The following RIN2 variants were observed in gnomAD, a reference collection of about 807,000 sequenced individuals.
RIN2 encodes the protein Ras and Rab interactor 2.
RIN2 carries 36 observed loss-of-function variants against 78.0 expected under a neutral mutation model. That is an observed-to-expected ratio of 0.46 (90% CI 0.35 to 0.61). The LOEUF is 0.61. Among genes scored for constraint, RIN2 ranks in the 20% least tolerant of loss-of-function variants. The pLI is 0.00. For missense variants in RIN2, 1,087 were observed against 1,159.7 expected (o/e 0.94, Z 0.91); for synonymous variants, 466 against 466.8 (o/e 1.00, Z 0.02).
intron 9 of RIN2, among the ~76,000 whole-genome samples, chr20:19,981,521 T>C (rs2042453852): frequency 6.6e-6 from 1 of 152,236 alleles, no homozygotes; most frequent in Non-Finnish European, 1.5e-5. Flanking sequence ...TTATTTGGAA[T>C]TCTTCCATAA....
At chr20:19,837,890 A>G (rs2036469308) in intron 2 of RIN2, among the ~76,000 whole-genome samples, 1 of 151,904 alleles carries the variant, frequency 6.6e-6, no homozygotes, top group Admixed American at 6.6e-5. Flanking sequence ...CTCAATCCAG[A>G]GATAAGACAG....
intron 2 of RIN2, chr20:19,823,670 T>C: frequency 1.3e-6 from 2 of 1,579,462 alleles, no homozygotes; most frequent in Non-Finnish European, 1.7e-6. Context: ...TGTTTCTTTC[T>C]GTCTCTTGGT....
intron 2 of RIN2, among the ~76,000 whole-genome samples, chr20:19,880,077 T>C (rs2037974512): frequency 6.6e-6 from 1 of 152,054 alleles, no homozygotes; most frequent in Non-Finnish European, 1.5e-5. Flanking sequence ...GGTGAAACTC[T>C]GTCTCTAACA....
Position 19,956,821 on chromosome 20 carries a change from C to T in RIN2, c.351+14C>T. 3 of 1,536,860 alleles carry T rather than the reference C, an allele frequency of 2.0e-6. No individual in the cohort carries two copies. Among genetic ancestry groups the T allele is most frequent in the Non-Finnish European group, 2.6e-6 (3 of 1,138,612 alleles). ...CAGCCTCCGGGGGTAAGACTCAGAACCTCGGGAAGCAGGTTGAAGCAGGCA... is the reference window on the plus strand; with the variant it reads ...CAGCCTCCGGGGGTAAGACTCAGAATCTCGGGAAGCAGGTTGAAGCAGGCA... On this transcript the variant is annotated intron_variant, in intron 5 of 12. Coordinates refer to ENST00000255006, the MANE Select transcript of RIN2 (RefSeq NM_018993.4).
Position 19,975,613 on chromosome 20 carries a change from G to T in RIN2, c.1588G>T (p.Gly530Trp). Residue 530 changes from glycine (G) to tryptophan (W), a missense_variant, in exon 9 of 13, where the codon GGG becomes TGG. Physicochemically the swap from Gly to Trp is radical, Grantham distance 184 (BLOSUM62 -2). Transcript: ENST00000255006. This position sits in a 1 kb window ranked among gnomAD's most constrained non-coding sequence, Gnocchi z 4.9. ...TTCCCGGGACAAATGCACCTACTTCGGGTGCTTAGTGCAGGACTACGTGAG... is the reference window on the plus strand; with the variant it reads ...TTCCCGGGACAAATGCACCTACTTCTGGTGCTTAGTGCAGGACTACGTGAG... ...ELSRDKCTYF[G>W]CLVQDYVSFL... 6.2e-7 allele frequency: 1 copy of T among 1,613,900 alleles called. No individual in the cohort carries two copies. Among genetic ancestry groups the T allele is most frequent in the Non-Finnish European group, 8.5e-7 (1 of 1,179,886 alleles).
At chr20:19,999,821 C>T (rs1026823240) in intron 12 of RIN2, among the ~76,000 whole-genome samples, 14 of 152,316 alleles carry the variant, frequency 9.2e-5, no homozygotes, top group African/African-American at 3.4e-4. Flanking sequence ...ATGTAATCAG[C>T]TCCATCTGCA....
intron 2 of RIN2, among the ~76,000 whole-genome samples, chr20:19,867,247 G>A (rs2037538925): frequency 1.3e-5 from 2 of 152,112 alleles, no homozygotes; most frequent in South Asian, 4.2e-4. Context: ...ACAGTAAGTT[G>A]CATGAGTCAC....
At chr20:19,817,950 C>T (rs768904542) in intron 2 of RIN2, among the ~76,000 whole-genome samples, 1 of 152,208 alleles carries the variant, frequency 6.6e-6, no homozygotes, top group African/African-American at 2.4e-5. Flanking sequence ...CATCCCTTAA[C>T]GATGGGGTAC....
At chr20:19,785,126 T>A (rs572453083) in intron 1 of RIN2, among the ~76,000 whole-genome samples, 1 of 152,214 alleles carries the variant, frequency 6.6e-6, no homozygotes, top group African/African-American at 2.4e-5. Flanking sequence ...GTCCCCTGCC[T>A]ACATCAACTC....
intron 1 of RIN2, among the ~76,000 whole-genome samples, chr20:19,794,370 A>T (rs1243788032): frequency 6.6e-6 from 1 of 152,168 alleles, no homozygotes; most frequent in Non-Finnish European, 1.5e-5. Flanking sequence ...AGCCTGGCCA[A>T]CATGGCGAAA....
chr20:19,880,947 G>T (rs1423544698), intron 2 of RIN2, among the ~76,000 whole-genome samples: 3 of 152,158 alleles, frequency 2.0e-5, no homozygotes, highest in Non-Finnish European at 4.4e-5. Flanking sequence ...ATTCCCGATG[G>T]CAGCATTTTA....
intron 8 of RIN2, among the ~76,000 whole-genome samples, chr20:19,972,816 C>A: frequency 6.6e-6 from 1 of 152,208 alleles, no homozygotes; most frequent in East Asian, 1.9e-4. Flanking sequence ...TCTCCAAGAC[C>A]TGCTGTCCTG....
chr20:19,917,110 T>TAA (rs11481859), intron 3 of RIN2, among the ~76,000 whole-genome samples: 126 of 147,862 alleles, frequency 8.5e-4, no homozygotes, highest in Middle Eastern at 6.9e-3. Flanking sequence ...TTAAAAAATT[T>TAA]AAAAAAAAAA....
intron 2 of RIN2, among the ~76,000 whole-genome samples, chr20:19,839,750 C>T (rs1382703428): frequency 6.6e-6 from 1 of 152,180 alleles, no homozygotes; most frequent in Admixed American, 6.6e-5. Flanking sequence ...CTAGCAAGGT[C>T]CTCCCCTTTC....
intron 3 of RIN2, among the ~76,000 whole-genome samples, chr20:19,930,573 C>T (rs377506915): frequency 4.0e-4 from 61 of 152,216 alleles, no homozygotes; most frequent in African/African-American, 1.3e-3. Flanking sequence ...TACCCAGTGA[C>T]GGGGCTTCCT....
At chr20:19,841,633 C>T (rs1600587692) in intron 2 of RIN2, among the ~76,000 whole-genome samples, 1 of 152,254 alleles carries the variant, frequency 6.6e-6, no homozygotes, top group East Asian at 1.9e-4. Flanking sequence ...AGCTGAAAAT[C>T]AGGGAAGGGA....
intron 4 of RIN2, among the ~76,000 whole-genome samples, chr20:19,954,733 C>T (rs1368889427): frequency 6.6e-6 from 1 of 151,742 alleles, no homozygotes; most frequent in East Asian, 1.9e-4. Context: ...CCCCTGTGCC[C>T]CTCACCCCTG....
intron 2 of RIN2, chr20:19,889,259 G>A (rs1031446396): frequency 2.2e-5 from 23 of 1,055,398 alleles, no homozygotes; most frequent in Non-Finnish European, 2.6e-5. Flanking sequence ...TCTAATATTG[G>A]GTCTGTTCAC....
intron 2 of RIN2, among the ~76,000 whole-genome samples, chr20:19,814,067 C>T (rs2035685961): frequency 6.6e-6 from 1 of 152,158 alleles, no homozygotes; most frequent in Non-Finnish European, 1.5e-5. Flanking sequence ...GTGCAAGAAA[C>T]AGAGAACAAA....
Sources: allele counts gnomAD v4.1 joint callset (sites outside exome capture counted in the v4.1 genomes callset), GRCh38; gene constraint gnomAD v4.1.1; non-coding constraint Gnocchi (gnomAD v3.1); transcripts MANE v1.5; gene names NCBI Gene and HGNC (gene_info 2026-07-23, HGNC 2026-07-21).